The following GLIS3 variants were observed in gnomAD, a reference collection of about 807,000 sequenced individuals.
GLIS3 encodes the protein zinc finger protein GLIS3.
In GLIS3, 53 loss-of-function variants were observed where a neutral mutation model predicts 78.6. That is an observed-to-expected ratio of 0.67 (90% CI 0.54 to 0.85). The LOEUF is 0.85. GLIS3 is among the 40% of genes least tolerant of loss of function. The pLI is 0.00. For synonymous variants in GLIS3, 684 were observed against 509.9 expected (o/e 1.34, Z -4.60); for missense variants, 1,703 against 1,231.1 (o/e 1.38, Z -5.74).
At chr9:4,439,774 A>G in the GLIS3 span, among the ~76,000 whole-genome samples, 1 of 151,848 alleles carries the variant, frequency 6.6e-6, no homozygotes, top group Non-Finnish European at 1.5e-5. Flanking sequence ...AACCTTCCCA[A>G]CTCAGGTGAT....
At chr9:4,336,470 A>T (rs533043874) in intron 2 of GLIS3, among the ~76,000 whole-genome samples, 1 of 151,112 alleles carries the variant, frequency 6.6e-6, no homozygotes, top group South Asian at 2.1e-4. Context: ...TTCTGGTGCC[A>T]GACCCTGAGG....
chr9:4,191,863 G>T (rs1432723829), intron 2 of GLIS3, among the ~76,000 whole-genome samples: 3 of 151,874 alleles, frequency 2.0e-5, no homozygotes, highest in Non-Finnish European at 4.4e-5. Context: ...AATGAAGAGA[G>T]AAAGAAAAAT....
At chr9:4,413,981 C>A in the GLIS3 span, among the ~76,000 whole-genome samples, 5 of 152,066 alleles carry the variant, frequency 3.3e-5, no homozygotes, top group Non-Finnish European at 7.4e-5. Context: ...CCAGATGTTT[C>A]TTATTTGCAA....
chr9:4,077,694 C>CG lies in GLIS3; in HGVS notation c.1710+40073dup, dbSNP rs532274440. Among the ~76,000 whole-genome samples the CG allele has an allele frequency of 4.2e-3, 640 of 152,018 alleles. 3 individuals are homozygous for CG. Among genetic ancestry groups the CG allele is most frequent in the African/African-American group, 0.013 (559 of 41,480 alleles). On this transcript the variant is annotated intron_variant, in intron 4 of 10. Coordinates refer to ENST00000381971, the MANE Select transcript of GLIS3 (RefSeq NM_001042413.2). The stretch of plus-strand genomic sequence containing the variant: ...TGTCGGCCTCTACCAACAGGGGGCG[C>CG]GGGGGGGTAAGTGAAGGAAAGAGAA...
chr9:3,950,941 T>C (rs538356031), intron 4 of GLIS3, among the ~76,000 whole-genome samples: 1 of 152,360 alleles, frequency 6.6e-6, no homozygotes, highest in African/African-American at 2.4e-5. Flanking sequence ...CATAAATTCA[T>C]AGGAACAGTA....
chr9:4,218,155 C>G (rs947032338), intron 2 of GLIS3, among the ~76,000 whole-genome samples: 4 of 152,232 alleles, frequency 2.6e-5, no homozygotes, highest in African/African-American at 9.6e-5. Context: ...CTTAATTTGT[C>G]TCCTCCTTTC....
the GLIS3 span, among the ~76,000 whole-genome samples, chr9:4,436,834 A>C: frequency 2.6e-4 from 39 of 151,230 alleles, no homozygotes; most frequent in East Asian, 7.2e-3. Flanking sequence ...AAAAAAAAAA[A>C]AAGAGATAGA....
At chr9:4,396,398 G>C in the GLIS3 span, among the ~76,000 whole-genome samples, 2 of 152,226 alleles carry the variant, frequency 1.3e-5, no homozygotes, top group South Asian at 4.1e-4. Context: ...CAAAGTGCTG[G>C]GATTGCAGGC....
intron 2 of GLIS3, among the ~76,000 whole-genome samples, chr9:4,177,255 C>G (rs1246895868): frequency 2.6e-5 from 4 of 152,168 alleles, no homozygotes; most frequent in Non-Finnish European, 5.9e-5. Context: ...CTCTTCATGA[C>G]TCTGCCCATT....
intron 2 of GLIS3, among the ~76,000 whole-genome samples, chr9:4,129,389 C>G (rs766823664): frequency 1.4e-4 from 22 of 152,192 alleles, no homozygotes; most frequent in Non-Finnish European, 2.5e-4. Context: ...AACTCACATT[C>G]AACTGTAATG....
intron 2 of GLIS3, among the ~76,000 whole-genome samples, chr9:4,155,570 A>T (rs775086069): frequency 3.3e-5 from 5 of 152,192 alleles, no homozygotes; most frequent in African/African-American, 4.8e-5. Context: ...AATAATTTGC[A>T]CTCACACATA....
the GLIS3 span, among the ~76,000 whole-genome samples, chr9:4,455,062 A>G: frequency 6.6e-6 from 1 of 152,132 alleles, no homozygotes; most frequent in East Asian, 1.9e-4. Flanking sequence ...CTGGGTGGAT[A>G]GGGCAAAGTA....
chr9:3,957,604 G>T (rs570119986), intron 4 of GLIS3, among the ~76,000 whole-genome samples: 2 of 152,274 alleles, frequency 1.3e-5, no homozygotes, highest in Admixed American at 6.5e-5. Context: ...AGAGAACAGT[G>T]ATTTTAAATA....
intron 2 of GLIS3, among the ~76,000 whole-genome samples, chr9:4,333,791 T>G (rs1478596398): frequency 7.5e-6 from 1 of 132,918 alleles, no homozygotes; most frequent in Non-Finnish European, 1.6e-5. Context: ...TTCCAGCTGT[T>G]ACACCTGATT....
At chr9:3,834,371 G>A (rs1048295622) in intron 9 of GLIS3, among the ~76,000 whole-genome samples, 1 of 152,202 alleles carries the variant, frequency 6.6e-6, no homozygotes, top group Admixed American at 6.5e-5. Context: ...TTTCCATGAT[G>A]ATGAAAATGC....
At chr9:4,408,824 C>T in the GLIS3 span, among the ~76,000 whole-genome samples, 1 of 150,346 alleles carries the variant, frequency 6.7e-6, no homozygotes, top group Non-Finnish European at 1.5e-5. Context: ...AATTGTACAT[C>T]TTAAAATAAC....
the GLIS3 span, among the ~76,000 whole-genome samples, chr9:4,456,905 A>C: frequency 6.6e-6 from 1 of 152,226 alleles, no homozygotes; most frequent in Non-Finnish European, 1.5e-5. Context: ...ATCAAAGATC[A>C]CTGATCACAG....
At chr9:3,918,209 T>A (rs1010663390) in intron 6 of GLIS3, among the ~76,000 whole-genome samples, 3 of 152,186 alleles carry the variant, frequency 2.0e-5, no homozygotes, top group Non-Finnish European at 2.9e-5. Context: ...CCTGAATATT[T>A]AGGGTCATTT....
At chr9:4,220,502 G>A (rs952918955) in intron 2 of GLIS3, among the ~76,000 whole-genome samples, 2 of 152,174 alleles carry the variant, frequency 1.3e-5, no homozygotes, top group Non-Finnish European at 2.9e-5. Context: ...GTAATGCACT[G>A]AGAACATACA....
Sources: allele counts gnomAD v4.1 joint callset (sites outside exome capture counted in the v4.1 genomes callset), GRCh38; gene constraint gnomAD v4.1.1; transcripts MANE v1.5; gene names NCBI Gene and HGNC (gene_info 2026-07-23, HGNC 2026-07-21).